The following UBE4B variants were observed in gnomAD, a reference collection of about 807,000 sequenced individuals.
UBE4B encodes the protein ubiquitination factor E4B, also known as ubiquitin conjugation factor E4 B.
In UBE4B, 27 loss-of-function variants were observed where a neutral mutation model predicts 148.1. That is an observed-to-expected ratio of 0.18 (90% confidence interval 0.13 to 0.25). The LOEUF (loss-of-function observed/expected upper bound fraction) is 0.25, where lower values mean the gene tolerates loss of function less well. Among genes scored for constraint, UBE4B ranks in the 10% least tolerant of loss-of-function variants. The pLI is 1.00. For synonymous variants in UBE4B, 596 were observed against 619.3 expected, an observed-to-expected ratio of 0.96 and a Z score of 0.56; for missense variants, 1,170 against 1,662.4, an observed-to-expected ratio of 0.70 and a Z score of 5.15.
chr1:10,069,928 T>C (rs2101828695), intron 1 of UBE4B, among the ~76,000 whole-genome samples: 1 of 151,992 alleles, frequency 6.6e-6, no homozygotes, highest in African/African-American at 2.4e-5. Context: ...GTAATAAAGG[T>C]TGAATTTGAA....
chr1:10,131,656 T>C (rs1034553457), intron 14 of UBE4B, among the ~76,000 whole-genome samples: 1 of 151,722 alleles, frequency 6.6e-6, no homozygotes, highest in African/African-American at 2.4e-5. Context: ...GATCACGAGG[T>C]CAGGAAGTCA....
intron 25 of UBE4B, among the ~76,000 whole-genome samples, chr1:10,175,784 G>A (rs532632816): frequency 1.8e-4 from 27 of 152,206 alleles, no homozygotes; most frequent in Admixed American, 5.9e-4. Flanking sequence ...ATGAGTCTGC[G>A]TCTCACAAAT....
chr1:10,137,193 G>T lies in UBE4B; in HGVS notation c.2351G>T (p.Arg784Leu). The change falls in exon 17 of 28, where the codon CGG becomes CTG. Residue 784 changes from arginine (R) to leucine (L), a missense_variant. Around this residue, in one of 6 missense-constraint regions of UBE4B, gnomAD observed 388 missense variants for 536.0 expected, o/e 0.72. Transcript: ENST00000343090. ...TATATCCGCAGACTCCGGGCTATCC[G>T]GGAGCTCAATAGGTATGTGCCATGA... Reference protein sequence around the residue: ...RRYIRRLRAIRELNRTVEDLK... With the variant: ...RRYIRRLRAILELNRTVEDLK... 1.9e-6 allele frequency: 3 copies of T among 1,614,008 alleles called. No individual in the cohort carries two copies. The highest frequency in any genetic ancestry group is 2.5e-6 in the Non-Finnish European group (3 of 1,180,000).
intron 5 of UBE4B, among the ~76,000 whole-genome samples, chr1:10,103,695 G>A (rs1570895434): frequency 6.7e-6 from 1 of 149,186 alleles, no homozygotes; most frequent in East Asian, 2.0e-4. Context: ...CAGTGGCGCA[G>A]TCTTGGCTCA....
intron 1 of UBE4B, among the ~76,000 whole-genome samples, chr1:10,044,882 C>G (rs1427736025): frequency 6.6e-6 from 1 of 152,190 alleles, no homozygotes; most frequent in Non-Finnish European, 1.5e-5. Context: ...CGCGCCTGGC[C>G]TGTGCCCTTT....
chr1:10,131,651 C>T (rs1185049567), intron 14 of UBE4B, among the ~76,000 whole-genome samples: 1 of 152,132 alleles, frequency 6.6e-6, no homozygotes, highest in African/African-American at 2.4e-5. Flanking sequence ...GGGCTGATCA[C>T]GAGGTCAGGA....
intron 3 of UBE4B, among the ~76,000 whole-genome samples, chr1:10,098,991 A>G (rs1340976415): frequency 2.6e-5 from 4 of 152,208 alleles, no homozygotes; most frequent in Non-Finnish European, 4.4e-5. Context: ...TAATCCCAGC[A>G]CTTTTGGGAG....
chr1:10,174,436 C>T (rs1156436943), intron 25 of UBE4B, among the ~76,000 whole-genome samples: 2 of 149,640 alleles, frequency 1.3e-5, no homozygotes, highest in African/African-American at 2.5e-5. Context: ...TGCGGTGGCT[C>T]ACACCTGTAA....
intron 25 of UBE4B, 61 bp downstream of exon 25, chr1:10,171,390 A>T: frequency 6.4e-7 from 1 of 1,570,106 alleles, no homozygotes; most frequent in South Asian, 1.2e-5. Flanking sequence ...TAATAACCAC[A>T]GTGGCCAGGG....
chr1:10,038,438 G>A (rs1643627135), intron 1 of UBE4B, among the ~76,000 whole-genome samples: 1 of 152,154 alleles, frequency 6.6e-6, no homozygotes. Flanking sequence ...CTTGATAGCT[G>A]TTTCTCATTA....
At chr1:10,041,790 G>A (rs1001804018) in intron 1 of UBE4B, among the ~76,000 whole-genome samples, 3 of 152,030 alleles carry the variant, frequency 2.0e-5, no homozygotes, top group Non-Finnish European at 4.4e-5. Context: ...TCCGCCTCCC[G>A]AGTTCAAGTG....
chr1:10,166,220 G>A (rs1646243764), intron 23 of UBE4B: 1 of 152,172 alleles, frequency 6.6e-6, no homozygotes, highest in African/African-American at 2.4e-5. Flanking sequence ...TTTTCCTGAT[G>A]GGTCTGTGTT....
chr1:10,106,327 A>G lies in UBE4B; in HGVS notation c.940A>G (p.Ser314Gly), dbSNP rs201579904. 8 of 1,614,096 alleles carry G rather than the reference A, an allele frequency of 5.0e-6. No homozygotes were observed. In the African/African-American group the frequency reaches 1.1e-4, roughly 22 times the overall value. Reference sequence around the variant, plus strand: ...GCCTTCCACTCCCCTCAGTCCTCACAGTGCAGCCTCTGGAACTGCTGCGGG... The same window carrying G: ...GCCTTCCACTCCCCTCAGTCCTCACGGTGCAGCCTCTGGAACTGCTGCGGG... ...AVPSTPLSPH[S>G]AASGTAAGSQ... Residue 314 changes from serine to glycine, a missense_variant, in exon 7 of 28, where the codon AGT becomes GGT. This residue lies in a region of UBE4B where 214 missense variants were observed against 209.1 expected (regional missense o/e 1.02). Transcript: ENST00000343090. The surrounding 1 kb of genome is among the most constrained non-coding windows in gnomAD (Gnocchi z 4.2).
chr1:10,147,305 C>T (rs1271771434), intron 19 of UBE4B, among the ~76,000 whole-genome samples: 1 of 152,104 alleles, frequency 6.6e-6, no homozygotes, highest in Non-Finnish European at 1.5e-5. Context: ...CCAGCCTGGC[C>T]AACATGGCGA....
chr1:10,060,973 T>G (rs1644273884), intron 1 of UBE4B, among the ~76,000 whole-genome samples: 3 of 152,278 alleles, frequency 2.0e-5, no homozygotes, highest in South Asian at 4.1e-4. Flanking sequence ...CTTGAGCTCC[T>G]GGCCTCAAAT....
At chr1:10,049,097 A>G (rs1643975647) in intron 1 of UBE4B, among the ~76,000 whole-genome samples, 1 of 152,238 alleles carries the variant, frequency 6.6e-6, no homozygotes, top group Non-Finnish European at 1.5e-5. Context: ...GGATCATATT[A>G]TAGTTTTTAG....
chr1:10,100,063 C>T lies in UBE4B; in HGVS notation c.348-1045C>T, dbSNP rs528903898. On this transcript the variant is annotated intron_variant, in intron 3 of 27. Transcript: ENST00000343090. ...GGAGTGCAGTGGCGCAGTCTTGGCT[C>T]ACTGCGAGCTCTGCCTCCCGGGTTC... is the stretch of plus-strand genomic sequence containing the variant. 6.5e-3 allele frequency among the ~76,000 whole-genome samples: 984 copies of T among 151,960 alleles called. 4 individuals carry two copies. The highest frequency in any genetic ancestry group is 0.011 in the Non-Finnish European group (743 of 67,950).
chr1:10,156,077 A>G (rs1646065911), intron 21 of UBE4B, among the ~76,000 whole-genome samples: 1 of 150,622 alleles, frequency 6.6e-6, no homozygotes, highest in Non-Finnish European at 1.5e-5. Context: ...TGGGGGGAGG[A>G]GGGAGAGGTT....
At position 10,180,991 on chromosome 1, in the gene UBE4B, C is replaced by T. The variant is rs556166585; in HGVS notation, c.*1035C>T. 1 of 152,010 alleles carries T rather than the reference C, an allele frequency of 6.6e-6. No individual in the cohort carries two copies. Among genetic ancestry groups the T allele is most frequent in the South Asian group, 2.1e-4 (1 of 4,806 alleles). 9.4% of individuals were successfully genotyped at this position (152,010 alleles called of 1,614,324 possible). On this transcript the variant is annotated 3_prime_UTR_variant, in exon 28 of 28. Coordinates refer to ENST00000343090, the MANE Select transcript of UBE4B (RefSeq NM_001105562.3). The stretch of plus-strand genomic sequence containing the variant: ...GCCGGTTTCAACACACACAGACAAA[C>T]ACAGCCACACGCGCACACAAGTATA...
Sources: gnomAD v4.1 joint callset for allele counts (sites outside exome capture counted in the v4.1 genomes callset) on GRCh38, gnomAD v4.1.1 for gene constraint, gnomAD v4.1.1 regional missense constraint, Gnocchi (gnomAD v3.1) non-coding constraint, MANE v1.5 for transcripts, NCBI Gene and HGNC (gene_info 2026-07-23, HGNC 2026-07-21) for gene names.